The following C1orf21 variants were observed in gnomAD, a reference collection of about 807,000 sequenced individuals.
The protein encoded by C1orf21 is uncharacterized protein C1orf21.
Under a neutral mutation model 18.7 loss-of-function variants are expected in C1orf21, and 3 were observed. That is an observed-to-expected ratio of 0.16 (90% CI 0.07 to 0.42). The LOEUF is 0.42. Among genes scored for constraint, C1orf21 ranks in the 10% least tolerant of loss-of-function variants. The pLI is 0.99. For synonymous variants in C1orf21, 41 were observed against 46.4 expected (o/e 0.88, Z 0.47); for missense variants, 104 against 143.6 (o/e 0.72, Z 1.41).
At chr1:184,476,969 G>A (rs1657581184) in intron 1 of C1orf21, among the ~76,000 whole-genome samples, 1 of 152,164 alleles carries the variant, frequency 6.6e-6, no homozygotes, top group Non-Finnish European at 1.5e-5. Context: ...GGAAGATGAA[G>A]AGCTTTTCCC....
intron 1 of C1orf21, among the ~76,000 whole-genome samples, chr1:184,450,279 C>G (rs1657102442): frequency 6.6e-6 from 1 of 152,090 alleles, no homozygotes; most frequent in African/African-American, 2.4e-5. Flanking sequence ...TTCTCAGGAG[C>G]CCTGTGAACC....
chr1:184,542,791 A>G (rs1459482012), intron 3 of C1orf21: 1 of 152,128 alleles, frequency 6.6e-6, no homozygotes, highest in Non-Finnish European at 1.5e-5. Flanking sequence ...AATCCAGCAG[A>G]CCTCTAGGGA....
intron 1 of C1orf21, among the ~76,000 whole-genome samples, chr1:184,459,743 T>C (rs1289290799): frequency 6.6e-6 from 1 of 152,060 alleles, no homozygotes; most frequent in East Asian, 1.9e-4. Flanking sequence ...ACAGTAAGGA[T>C]AGGATGTAGG....
intron 5 of C1orf21, among the ~76,000 whole-genome samples, chr1:184,611,850 C>T (rs1323283516): frequency 2.0e-5 from 3 of 152,024 alleles, no homozygotes; most frequent in African/African-American, 7.2e-5. Flanking sequence ...ACTTGGGAGA[C>T]TCAGAACAGA....
chr1:184,511,492 A>G (rs532548376), intron 3 of C1orf21, among the ~76,000 whole-genome samples: 74 of 152,344 alleles, frequency 4.9e-4, no homozygotes, highest in Non-Finnish European at 8.2e-4. Flanking sequence ...GAAGAGATGG[A>G]AATGAAGGTG....
intron 3 of C1orf21, among the ~76,000 whole-genome samples, chr1:184,547,625 C>T (rs1658744827): frequency 6.6e-6 from 1 of 152,158 alleles, no homozygotes; most frequent in African/African-American, 2.4e-5. Context: ...TTCTCTCTCA[C>T]ATACAAAGTT....
intron 3 of C1orf21, among the ~76,000 whole-genome samples, chr1:184,559,569 C>A (rs1416804078): frequency 1.7e-5 from 2 of 120,196 alleles, no homozygotes; most frequent in Non-Finnish European, 3.4e-5. Context: ...CTCTTTCTTC[C>A]CCTCCCTCCC....
At chr1:184,586,609 TG>T (rs1249552671) in intron 3 of C1orf21, among the ~76,000 whole-genome samples, 5 of 152,124 alleles carry the variant, frequency 3.3e-5, no homozygotes, top group Non-Finnish European at 5.9e-5. Context: ...GGGGGTTGTT[TG>T]GGGGTTTTTT....
chr1:184,553,852 ATTG>A (rs749277376), intron 3 of C1orf21, among the ~76,000 whole-genome samples: 27 of 152,348 alleles, frequency 1.8e-4, no homozygotes, highest in East Asian at 1.9e-4. Context: ...GAACAAGGTC[ATTG>A]TTGTTATTTG....
intron 1 of C1orf21, among the ~76,000 whole-genome samples, chr1:184,414,689 A>G (rs1025630059): frequency 1.3e-5 from 2 of 151,986 alleles, no homozygotes; most frequent in East Asian, 1.9e-4. Flanking sequence ...TTCAAATTCC[A>G]TGGTCTATTT....
At chr1:184,391,093 G>A (rs1324074091) in intron 1 of C1orf21, among the ~76,000 whole-genome samples, 2 of 151,980 alleles carry the variant, frequency 1.3e-5, no homozygotes, top group South Asian at 2.1e-4. Flanking sequence ...TGACTGTCTC[G>A]GTTCTGAAGT....
intron 4 of C1orf21, 152 bp from the exon 5 acceptor site, chr1:184,598,249 T>C: frequency 1.5e-6 from 1 of 650,032 alleles, no homozygotes; most frequent in Non-Finnish European, 2.7e-6. Context: ...ACTGTACTGT[T>C]TATCCTTAAT....
chr1:184,491,549 A>T (rs1657816915), intron 2 of C1orf21, among the ~76,000 whole-genome samples: 6 of 152,082 alleles, frequency 3.9e-5, no homozygotes, highest in Admixed American at 3.9e-4. Context: ...ACAGATTTTC[A>T]CCATATTGCC....
At chr1:184,472,401 T>C (rs538139970) in intron 1 of C1orf21, among the ~76,000 whole-genome samples, 1 of 152,214 alleles carries the variant, frequency 6.6e-6, no homozygotes, top group Non-Finnish European at 1.5e-5. Context: ...CTAGAATTTC[T>C]TTATGGAATG....
chr1:184,458,467 G>T (rs1020707041), intron 1 of C1orf21, among the ~76,000 whole-genome samples: 1 of 152,146 alleles, frequency 6.6e-6, no homozygotes, highest in Admixed American at 6.5e-5. Context: ...TTATCTAAGG[G>T]AGTTAATGTC....
intron 2 of C1orf21, among the ~76,000 whole-genome samples, chr1:184,494,810 G>C (rs1005449942): frequency 6.6e-6 from 1 of 151,820 alleles, no homozygotes; most frequent in Non-Finnish European, 1.5e-5. Context: ...AGGATTAATA[G>C]GGTCAAAATT....
intron 1 of C1orf21, among the ~76,000 whole-genome samples, chr1:184,429,110 T>G (rs1234162784): frequency 1.3e-5 from 2 of 152,170 alleles, no homozygotes; most frequent in Non-Finnish European, 2.9e-5. Context: ...GCCCAATGAG[T>G]GCTAAACACT....
At chr1:184,539,144 G>A (rs1658606229) in intron 3 of C1orf21, among the ~76,000 whole-genome samples, 1 of 152,066 alleles carries the variant, frequency 6.6e-6, no homozygotes, top group Admixed American at 6.5e-5. Flanking sequence ...TTTCACATGT[G>A]GCTTTTATTG....
chr1:184,597,168 CG>C (rs1659527466), intron 4 of C1orf21, among the ~76,000 whole-genome samples: 1 of 152,070 alleles, frequency 6.6e-6, no homozygotes, highest in African/African-American at 2.4e-5. Flanking sequence ...CCAAACAAAA[CG>C]TTTACCTTAT....
Sources: gnomAD v4.1 joint callset for allele counts (sites outside exome capture counted in the v4.1 genomes callset) on GRCh38, gnomAD v4.1.1 for gene constraint, MANE v1.5 for transcripts, NCBI Gene and HGNC (gene_info 2026-07-23, HGNC 2026-07-21) for gene names.